TRAF2: variants seen among roughly 807,000 people sequenced by gnomAD.
The protein encoded by TRAF2 is TNF receptor associated factor 2.
TRAF2 carries 6 observed loss-of-function variants against 55.6 expected under a neutral mutation model. The ratio of observed to expected loss-of-function variants is 0.11; its 90% CI spans 0.06 to 0.21. TRAF2 has a LOEUF of 0.21. Among genes scored for constraint, TRAF2 ranks in the 10% least tolerant of loss-of-function variants. TRAF2 has a pLI of 1.00. For synonymous variants in TRAF2, 329 were observed against 276.3 expected, an observed-to-expected ratio of 1.19 and a Z score of -1.89; for missense variants, 561 against 684.5, an observed-to-expected ratio of 0.82 and a Z score of 2.01.
chr9:136,896,137 C>T (rs369021941), intron 1 of TRAF2, among the ~76,000 whole-genome samples: 20 of 152,298 alleles, frequency 1.3e-4, no homozygotes, highest in African/African-American at 4.3e-4. Flanking sequence ...TCCCCAGTTC[C>T]CTGAATCAAG....
chr9:136,918,881 C>T (rs546317316), intron 7 of TRAF2, among the ~76,000 whole-genome samples: 1 of 151,278 alleles, frequency 6.6e-6, no homozygotes, highest in East Asian at 2.0e-4. Flanking sequence ...ATTACAAGCA[C>T]ACACCACCAG....
intron 6 of TRAF2, among the ~76,000 whole-genome samples, chr9:136,916,318 C>G (rs73570313): frequency 4.7e-4 from 72 of 152,232 alleles, no homozygotes; most frequent in African/African-American, 1.5e-3. Context: ...GAAATGCTTG[C>G]CCATCTCAGT....
At chr9:136,920,968 G>A (rs561368073) in intron 8 of TRAF2, 70 bp from the exon 9 acceptor site, 117 of 1,575,050 alleles carry the variant, frequency 7.4e-5, no homozygotes, top group South Asian at 3.4e-4. Flanking sequence ...GGAGATCGGT[G>A]GGTGTGGGAG....
At chr9:136,916,333 G>A (rs756157970) in intron 6 of TRAF2, among the ~76,000 whole-genome samples, 5 of 152,086 alleles carry the variant, frequency 3.3e-5, no homozygotes, top group Non-Finnish European at 7.3e-5. Flanking sequence ...CTCAGTTACT[G>A]GCACAGTGTG....
intron 8 of TRAF2, 70 bp downstream of exon 8, chr9:136,920,585 G>A: frequency 6.7e-7 from 1 of 1,494,664 alleles, no homozygotes; most frequent in Non-Finnish European, 8.9e-7. Flanking sequence ...TGCCCCAGCA[G>A]GTTCTAGCAG....
At chr9:136,913,585 C>T (rs1026542211) in intron 6 of TRAF2, among the ~76,000 whole-genome samples, 1 of 152,094 alleles carries the variant, frequency 6.6e-6, no homozygotes, top group African/African-American at 2.4e-5. Context: ...GTGTGAGCCA[C>T]CGTGCCCGGC....
chr9:136,925,671 T>A lies in TRAF2; in HGVS notation c.1288-12T>A, dbSNP rs201722643. ...CAGACCTGTGTCCCCTCCCTGGGGC[T>A]CTCTCCTCCAGGTGACCTTAATGCT... is the stretch of plus-strand genomic sequence containing the variant. On this transcript the variant is annotated splice_polypyrimidine_tract_variant and intron_variant, in intron 10 of 10. Transcript: ENST00000247668. 1 of 1,613,248 alleles carries A rather than the reference T, an allele frequency of 6.2e-7. No homozygotes were observed. Among genetic ancestry groups the A allele is most frequent in the East Asian group, 2.2e-5 (1 of 44,878 alleles).
intron 6 of TRAF2, among the ~76,000 whole-genome samples, chr9:136,911,651 C>T (rs954897251): frequency 2.6e-5 from 4 of 152,082 alleles, no homozygotes; most frequent in South Asian, 4.1e-4. Flanking sequence ...TCTTGGGCCC[C>T]GCCTGCTTCC....
rs529098256 is a variant in TRAF2 at position 136,904,468 on chromosome 9, C to T, written c.367-3602C>T. 4.6e-5 allele frequency among the ~76,000 whole-genome samples: 7 copies of T among 152,232 alleles called. No individual in the cohort carries two copies. The East Asian group carries it at 1.2e-3, about 25-fold the overall frequency. ...TCGCCCAGGCTGGAGTGCAGTGGCA[C>T]GATCCCGGCTCACTGCAAGCTCCAC... On this transcript the variant is annotated intron_variant, in intron 4 of 10. Transcript: ENST00000247668.
chr9:136,899,049 G>C lies in TRAF2; in HGVS notation c.188+121G>C. 3 of 948,936 alleles carry C rather than the reference G, an allele frequency of 3.2e-6. No homozygotes were observed. In the South Asian group the frequency reaches 5.1e-5, roughly 16 times the overall value. The allele number at this position is 948,936 out of a possible 1,614,324, so 58.8% of individuals were successfully genotyped here. A position where few individuals can be genotyped will look rare whatever the true frequency, so the allele number is the denominator to read the frequency against. On this transcript the variant is annotated intron_variant, in intron 2 of 10. Transcript: ENST00000247668. ...CCAGCTTAGATGTGCTCCAGTTATC[G>C]ATACTCCCTGGATTTCGGAGGTTTA...
At chr9:136,907,683 C>T (rs1849987132) in intron 4 of TRAF2, among the ~76,000 whole-genome samples, 1 of 152,132 alleles carries the variant, frequency 6.6e-6, no homozygotes, top group South Asian at 2.1e-4. Flanking sequence ...GCTTGGTCAT[C>T]AGATCGAGCG....
Position 136,925,947 on chromosome 9 carries a change from C to A in TRAF2, c.*46C>A. 6.2e-7 allele frequency: 1 copy of A among 1,606,230 alleles called. No homozygotes were observed. Among genetic ancestry groups the A allele is most frequent in the Non-Finnish European group, 8.5e-7 (1 of 1,174,742 alleles). ...GGGGTTGGGGGCAGCCAGGCACAGC[C>A]GGCTCACGGAGGGGCCACCACGCTG... On this transcript the variant is annotated 3_prime_UTR_variant, in exon 11 of 11. Transcript: ENST00000247668.
chr9:136,908,845 A>G (rs187043792), intron 5 of TRAF2, among the ~76,000 whole-genome samples: 1,866 of 136,372 alleles, frequency 0.014, 38 homozygotes, highest in African/African-American at 0.048. Flanking sequence ...ACTCCAGCCC[A>G]GGCGACAGAG....
intron 1 of TRAF2, among the ~76,000 whole-genome samples, chr9:136,887,932 C>T (rs1360582057): frequency 2.6e-5 from 4 of 151,900 alleles, no homozygotes; most frequent in African/African-American, 4.8e-5. Flanking sequence ...TGCAGTGGCT[C>T]GATCTCGGCT....
upstream of TRAF2, chr9:136,882,691 T>C: frequency 2.0e-6 from 2 of 985,162 alleles, no homozygotes; most frequent in Non-Finnish European, 2.4e-6. Flanking sequence ...GGGAATCCCC[T>C]GAGCTGCGCC....
In TRAF2 at chr9:136,904,830, A is replaced by G. The variant is rs148128452; in HGVS notation, c.367-3240A>G. Among the ~76,000 whole-genome samples the G allele has an allele frequency of 2.2e-4, 28 of 129,230 alleles. No homozygotes were observed. In the East Asian group the frequency reaches 6.6e-3, roughly 31 times the overall value. 84.8% of individuals were successfully genotyped at this position (129,230 alleles called of 152,430 possible). A position where few individuals can be genotyped will look rare whatever the true frequency, so the allele number is the denominator to read the frequency against. The stretch of plus-strand genomic sequence containing the variant: ...ATTCAGCTTGATGGTGGCTTGTTAC[A>G]CACTAGTGTGGCCGAGGGCTGGGTC... On this transcript the variant is annotated intron_variant, in intron 4 of 10. Coordinates refer to ENST00000247668, the MANE Select transcript of TRAF2 (RefSeq NM_021138.4).
At chr9:136,912,739 A>T (rs1203564933) in intron 6 of TRAF2, among the ~76,000 whole-genome samples, 1 of 64,480 alleles carries the variant, frequency 1.6e-5, no homozygotes. Context: ...TGAGAGGCTG[A>T]GGTGCGAAAA....
intron 4 of TRAF2, among the ~76,000 whole-genome samples, chr9:136,907,348 G>C (rs1849978869): frequency 1.3e-5 from 2 of 152,272 alleles, no homozygotes; most frequent in Admixed American, 1.3e-4. Context: ...AGCTCCAGGA[G>C]GGCAGGGCCT....
At chr9:136,899,174 C>T (rs971319205) in intron 2 of TRAF2, among the ~76,000 whole-genome samples, 1 of 152,158 alleles carries the variant, frequency 6.6e-6, no homozygotes, top group Non-Finnish European at 1.5e-5. Context: ...TTAATTTTAT[C>T]TTTTTATTAT....
Sources: allele counts gnomAD v4.1 joint callset (sites outside exome capture counted in the v4.1 genomes callset), GRCh38; gene constraint gnomAD v4.1.1; transcripts MANE v1.5; gene names NCBI Gene and HGNC (gene_info 2026-07-23, HGNC 2026-07-21).